The following TNIK variants were observed in gnomAD, a reference collection of about 807,000 sequenced individuals.
TNIK encodes TRAF2 and NCK interacting kinase.
Under a neutral mutation model 191.3 loss-of-function variants are expected in TNIK, and 49 were observed. The observed-to-expected ratio is 0.26, with a 90% confidence interval of 0.20 to 0.32. The LOEUF is 0.32. Among genes scored for constraint, TNIK ranks in the 10% least tolerant of loss-of-function variants. TNIK has a pLI of 1.00. For synonymous variants in TNIK, 594 were observed against 600.9 expected (o/e 0.99, Z 0.17); for missense variants, 1,155 against 1,702.3 (o/e 0.68, Z 5.66).
At chr3:171,189,635 G>T (rs984780540) in intron 6 of TNIK, among the ~76,000 whole-genome samples, 1 of 152,108 alleles carries the variant, frequency 6.6e-6, no homozygotes, top group African/African-American at 2.4e-5. Context: ...CTGAGCTTCG[G>T]TTTCCTAATC....
chr3:171,105,851 G>A (rs1724751653), intron 21 of TNIK, among the ~76,000 whole-genome samples: 1 of 152,140 alleles, frequency 6.6e-6, no homozygotes, highest in African/African-American at 2.4e-5. Context: ...GAACTTCACT[G>A]TCTTTCTTTA....
At chr3:171,229,214 G>A (rs1743316691) in intron 2 of TNIK, among the ~76,000 whole-genome samples, 1 of 152,214 alleles carries the variant, frequency 6.6e-6, no homozygotes, top group African/African-American at 2.4e-5. Context: ...GACATATGCA[G>A]ATTAGCTGTC....
chr3:171,444,899 G>A (rs1727291381), intron 1 of TNIK, among the ~76,000 whole-genome samples: 2 of 151,628 alleles, frequency 1.3e-5, no homozygotes, highest in South Asian at 4.2e-4. Flanking sequence ...TTATTTTATT[G>A]AGATATGGTC....
Position 171,066,618 on chromosome 3 carries a change from T to TA in TNIK, c.3816dup (p.Lys1273Ter). The TA allele has an allele frequency of 6.2e-7, 1 of 1,613,872 alleles. No homozygotes were observed. Among genetic ancestry groups the TA allele is most frequent in the Non-Finnish European group, 8.5e-7 (1 of 1,179,866 alleles). ...TCTCCCCATTGGAGCACCACATCCT[T>TA]AGTTATCCGGCCATAGGTGTTTACA... On this transcript the variant is annotated frameshift_variant, in exon 31 of 33. Coordinates refer to ENST00000436636, the MANE Select transcript of TNIK (RefSeq NM_015028.4). LOFTEE classifies it high-confidence loss of function.
chr3:171,226,300 C>T (rs1006254393), intron 3 of TNIK, among the ~76,000 whole-genome samples: 1 of 152,120 alleles, frequency 6.6e-6, no homozygotes, highest in African/African-American at 2.4e-5. Context: ...CTCATTTGTA[C>T]CCTTCTGCTC....
chr3:171,318,157 T>A (rs1243609491), intron 2 of TNIK, among the ~76,000 whole-genome samples: 1 of 152,154 alleles, frequency 6.6e-6, no homozygotes, highest in Non-Finnish European at 1.5e-5. Flanking sequence ...TCATACTATA[T>A]AGTTTAGCCT....
At chr3:171,269,327 G>A (rs1373627238) in intron 2 of TNIK, among the ~76,000 whole-genome samples, 3 of 152,216 alleles carry the variant, frequency 2.0e-5, no homozygotes, top group Non-Finnish European at 2.9e-5. Context: ...ACATTTCCCC[G>A]AGTATTCTTT....
At chr3:171,423,583 T>A (rs1399838574) in intron 1 of TNIK, among the ~76,000 whole-genome samples, 1 of 152,104 alleles carries the variant, frequency 6.6e-6, no homozygotes. Context: ...CTTCAAACTA[T>A]ACTATAAGGC....
chr3:171,068,437 A>G (rs1401746788), intron 30 of TNIK, among the ~76,000 whole-genome samples: 2 of 152,192 alleles, frequency 1.3e-5, no homozygotes, highest in Non-Finnish European at 2.9e-5. Context: ...GAGGAACTAA[A>G]AATAGCAAAA....
chr3:171,206,486 TTTCCAGAGTACAATAC>T (rs1740112565), intron 4 of TNIK, among the ~76,000 whole-genome samples: 14 of 151,970 alleles, frequency 9.2e-5, no homozygotes, highest in Admixed American at 9.2e-4. Flanking sequence ...AAGTGACTCA[TTTCCAGAGTACAATAC>T]CTCCCATTAA....
At chr3:171,297,937 A>C (rs939558186) in intron 2 of TNIK, among the ~76,000 whole-genome samples, 6 of 152,214 alleles carry the variant, frequency 3.9e-5, no homozygotes, top group African/African-American at 1.4e-4. Context: ...GGAGAGTAAA[A>C]TCTGCACCTG....
chr3:171,162,443 A>T (rs1429972582), intron 10 of TNIK, among the ~76,000 whole-genome samples: 3 of 152,156 alleles, frequency 2.0e-5, no homozygotes, highest in Non-Finnish European at 4.4e-5. Context: ...TTTAAAATTT[A>T]AAAAATGTAT....
At chr3:171,180,961 G>A (rs576213961) in intron 7 of TNIK, among the ~76,000 whole-genome samples, 12 of 152,234 alleles carry the variant, frequency 7.9e-5, no homozygotes, top group African/African-American at 2.6e-4. Context: ...TATAAAACTC[G>A]CCTCAATTTC....
chr3:171,130,229 A>G (rs1729049411), intron 15 of TNIK, among the ~76,000 whole-genome samples: 3 of 152,208 alleles, frequency 2.0e-5, no homozygotes, highest in Non-Finnish European at 4.4e-5. Flanking sequence ...GACTCAATCA[A>G]ATATACAAAG....
At chr3:171,361,365 A>C (rs1360741213) in intron 2 of TNIK, among the ~76,000 whole-genome samples, 2 of 152,250 alleles carry the variant, frequency 1.3e-5, no homozygotes, top group East Asian at 3.8e-4. Context: ...CTACAGGTTC[A>C]ACTACCTAGT....
Position 171,093,876 on chromosome 3 carries a change from C to G in TNIK, c.2684G>C (p.Gly895Ala). The G allele has an allele frequency of 6.2e-7, 1 of 1,613,874 alleles. No individual in the cohort carries two copies. Among genetic ancestry groups the G allele is most frequent in the East Asian group, 2.2e-5 (1 of 44,876 alleles). The stretch of plus-strand genomic sequence containing the variant: ...CAAGGTTCCTTCTCTTGAAATACTG[C>G]CGCTGAAACTGTCCGCATGAGAGGT... ...LETSHADSFS[G>A]SISREGTLMI... is the part of the protein sequence containing the mutation. The change falls in exon 23 of 33, where the codon GGC becomes GCC. Residue 895 changes from glycine (G) to alanine (A), a missense_variant. Transcript: ENST00000436636.
intron 1 of TNIK, among the ~76,000 whole-genome samples, chr3:171,459,267 G>T (rs1729143188): frequency 6.6e-6 from 1 of 150,842 alleles, no homozygotes; most frequent in East Asian, 2.0e-4. Flanking sequence ...AGGGAGTTCC[G>T]GTCTGATTGA....
intron 11 of TNIK, 103 bp downstream of exon 11, chr3:171,161,167 G>A: frequency 8.5e-7 from 1 of 1,183,410 alleles, no homozygotes; most frequent in South Asian, 1.6e-5. Context: ...AGACCACCCT[G>A]GTGGATTCTT....
chr3:171,156,640 A>C (rs79121034), intron 12 of TNIK, among the ~76,000 whole-genome samples: 4,000 of 152,312 alleles, frequency 0.026, 181 homozygotes, highest in African/African-American at 0.089. Flanking sequence ...AGGAGGCTTT[A>C]ACAAATGTCT....
Sources: gnomAD v4.1 joint callset for allele counts (sites outside exome capture counted in the v4.1 genomes callset) on GRCh38, gnomAD v4.1.1 for gene constraint, MANE v1.5 for transcripts, NCBI Gene and HGNC (gene_info 2026-07-23, HGNC 2026-07-21) for gene names.